Variants in ARHGAP26 observed in about 807,000 individuals in gnomAD.
ARHGAP26 encodes the protein Rho GTPase activating protein 26.
ARHGAP26 carries 38 observed loss-of-function variants against 104.8 expected under a neutral mutation model. The ratio of observed to expected loss-of-function variants is 0.36; its 90% confidence interval spans 0.28 to 0.48. The LOEUF is 0.48. Ranked by LOEUF, ARHGAP26 falls within the 20% of genes least tolerant of loss-of-function variation. The pLI is 0.99. For synonymous variants in ARHGAP26, 341 were observed against 340.0 expected, an observed-to-expected ratio of 1.00 and a Z score of -0.03; for missense variants, 704 against 947.9, an observed-to-expected ratio of 0.74 and a Z score of 3.38.
chr5:142,971,007 G>A (rs1036330737), intron 11 of ARHGAP26, among the ~76,000 whole-genome samples: 1 of 152,114 alleles, frequency 6.6e-6, no homozygotes, highest in African/African-American at 2.4e-5. Flanking sequence ...TCCCATTTTG[G>A]TAAAATTTAA....
intron 1 of ARHGAP26, among the ~76,000 whole-genome samples, chr5:142,853,947 C>A (rs1029795225): frequency 6.6e-6 from 1 of 152,102 alleles, no homozygotes; most frequent in East Asian, 1.9e-4. Context: ...TGTGAGCAGG[C>A]CAAGAACAAC....
At chr5:142,884,470 A>G (rs1051903734) in intron 4 of ARHGAP26, among the ~76,000 whole-genome samples, 3 of 152,234 alleles carry the variant, frequency 2.0e-5, no homozygotes, top group African/African-American at 7.2e-5. Context: ...GAGAAAAATA[A>G]CTGTTACCCC....
At chr5:143,021,368 A>G (rs527410971) in intron 12 of ARHGAP26, among the ~76,000 whole-genome samples, 56 of 152,348 alleles carry the variant, frequency 3.7e-4, no homozygotes, top group African/African-American at 1.3e-3. Flanking sequence ...TGAATCATTT[A>G]TCATTGTTAG....
chr5:142,869,856 C>T (rs772901383), intron 1 of ARHGAP26, among the ~76,000 whole-genome samples: 2 of 152,166 alleles, frequency 1.3e-5, no homozygotes, highest in Non-Finnish European at 2.9e-5. Context: ...AAGGGCACTT[C>T]CTCTAGTCCC....
chr5:142,795,516 T>C (rs2151934664), intron 1 of ARHGAP26, among the ~76,000 whole-genome samples: 1 of 152,302 alleles, frequency 6.6e-6, no homozygotes, highest in South Asian at 2.1e-4. Context: ...TTCTGGTGTG[T>C]TCAGGAAGTG....
chr5:142,854,307 G>T (rs1358335229), intron 1 of ARHGAP26, among the ~76,000 whole-genome samples: 1 of 152,124 alleles, frequency 6.6e-6, no homozygotes, highest in Non-Finnish European at 1.5e-5. Flanking sequence ...AATCTGCTTT[G>T]TTCCTCTCCA....
intron 12 of ARHGAP26, 144 bp downstream of exon 12, chr5:143,014,260 A>G: frequency 2.4e-6 from 2 of 846,104 alleles, no homozygotes; most frequent in East Asian, 2.6e-5. Context: ...ACATGCCTCC[A>G]CCCCAACTTT....
intron 17 of ARHGAP26, among the ~76,000 whole-genome samples, chr5:143,098,390 T>G (rs965493118): frequency 1.3e-4 from 20 of 152,218 alleles, no homozygotes; most frequent in African/African-American, 4.1e-4. Context: ...TACAAGTATG[T>G]TACTCTTAAT....
rs886823971 is a variant in ARHGAP26 at position 143,158,759 on chromosome 5, T to C, written c.1988+11378T>C. Among the ~76,000 whole-genome samples the C allele has an allele frequency of 3.0e-4, 46 of 152,322 alleles. No homozygotes were observed. In the Middle Eastern group the frequency reaches 0.01, roughly 34 times the overall value. ...GGTGATGGGGCTATTCCCTGGCTGT[T>C]GTCAAAAATACTCAGAAAAGGGATA... On this transcript the variant is annotated intron_variant, in intron 20 of 22. Coordinates refer to ENST00000645722, the MANE Select transcript of ARHGAP26 (RefSeq NM_001135608.3).
At chr5:142,779,552 G>A (rs543400221) in intron 1 of ARHGAP26, among the ~76,000 whole-genome samples, 217 of 152,224 alleles carry the variant, frequency 1.4e-3, no homozygotes, top group Admixed American at 5.1e-3. Flanking sequence ...TTTGACTCTT[G>A]CTGCTGCCAC....
rs112436250 is a variant in ARHGAP26 at position 143,189,367 on chromosome 5, C to T, written c.1989-17831C>T. Among the ~76,000 whole-genome samples, 712 of 152,248 alleles carry T rather than the reference C, an allele frequency of 4.7e-3. 3 individuals carry two copies. Among genetic ancestry groups the T allele is most frequent in the Non-Finnish European group, 7.0e-3 (475 of 68,000 alleles). On this transcript the variant is annotated intron_variant, in intron 20 of 22. Transcript: ENST00000645722. Reference sequence around the variant, plus strand: ...TCAGCAGTCTACTTTGTTGAGATCTCGGCTCAGATGTCACCCAAAAGAAGT... The same window carrying T: ...TCAGCAGTCTACTTTGTTGAGATCTTGGCTCAGATGTCACCCAAAAGAAGT...
chr5:142,970,227 A>G (rs781389691), intron 11 of ARHGAP26, among the ~76,000 whole-genome samples: 10 of 152,232 alleles, frequency 6.6e-5, no homozygotes, highest in Non-Finnish European at 1.5e-4. Flanking sequence ...TAGAAAGATA[A>G]TAAATCCCAG....
At chr5:143,121,841 A>G (rs1008077395) in intron 18 of ARHGAP26, among the ~76,000 whole-genome samples, 3 of 152,308 alleles carry the variant, frequency 2.0e-5, no homozygotes, top group South Asian at 4.1e-4. Context: ...GAGCAAATCC[A>G]TATGAAGCTT....
intron 11 of ARHGAP26, among the ~76,000 whole-genome samples, chr5:142,963,277 G>A (rs1770729324): frequency 1.3e-5 from 2 of 149,154 alleles, no homozygotes; most frequent in Non-Finnish European, 3.0e-5. Context: ...CATTTAGATT[G>A]ATTCCGTGAC....
intron 17 of ARHGAP26, chr5:143,103,343 G>C (rs1793532747): frequency 1.8e-6 from 1 of 543,058 alleles, no homozygotes; most frequent in Non-Finnish European, 2.3e-6. Flanking sequence ...TACACTGTTG[G>C]TGGGAGTGTA....
intron 17 of ARHGAP26, among the ~76,000 whole-genome samples, chr5:143,118,732 A>T (rs1052462924): frequency 6.6e-6 from 1 of 152,014 alleles, no homozygotes; most frequent in Non-Finnish European, 1.5e-5. Context: ...TGATCATGCC[A>T]CTGCACTCCA....
chr5:143,122,272 T>TAG (rs1796231310), intron 18 of ARHGAP26, among the ~76,000 whole-genome samples: 2 of 152,216 alleles, frequency 1.3e-5, no homozygotes, highest in Non-Finnish European at 2.9e-5. Context: ...AGCCATCTTG[T>TAG]TTCTGCCTTG....
At chr5:142,929,825 T>C (rs1407157365) in intron 10 of ARHGAP26, among the ~76,000 whole-genome samples, 1 of 152,170 alleles carries the variant, frequency 6.6e-6, no homozygotes, top group Non-Finnish European at 1.5e-5. Flanking sequence ...GATCTCACTG[T>C]TTGCTGGTGA....
At chr5:143,208,768 C>T (rs1808995135) in intron 21 of ARHGAP26, among the ~76,000 whole-genome samples, 1 of 152,218 alleles carries the variant, frequency 6.6e-6, no homozygotes, top group African/African-American at 2.4e-5. Context: ...TTTTATACAG[C>T]TTTCTACCTG....
Sources: gnomAD v4.1 joint callset for allele counts (sites outside exome capture counted in the v4.1 genomes callset) on GRCh38, gnomAD v4.1.1 for gene constraint, MANE v1.5 for transcripts, NCBI Gene and HGNC (gene_info 2026-07-23, HGNC 2026-07-21) for gene names.